RELN: variants seen among roughly 807,000 people sequenced by gnomAD.
RELN encodes the protein reelin.
Under a neutral mutation model 427.6 loss-of-function variants are expected in RELN, and 108 were observed. That is an observed-to-expected ratio of 0.25 (90% CI 0.22 to 0.30). RELN has a LOEUF of 0.30. Among genes scored for constraint, RELN ranks in the 10% least tolerant of loss-of-function variants. The pLI, the probability that RELN is intolerant of heterozygous loss-of-function variation, is 1.00. For missense variants in RELN, 3,715 were observed against 4,302.8 expected, an observed-to-expected ratio of 0.86 and a Z score of 3.82; for synonymous variants, 1,524 against 1,513.4, an observed-to-expected ratio of 1.01 and a Z score of -0.16.
chr7:103,482,456 T>C (rs1243852240), intron 63 of RELN, among the ~76,000 whole-genome samples: 1 of 152,224 alleles, frequency 6.6e-6, no homozygotes, highest in Non-Finnish European at 1.5e-5. Context: ...CATCATTCAA[T>C]GGAGAATGTC....
At position 103,612,476 on chromosome 7, in the gene RELN, T is replaced by C. The variant is rs562586456; in HGVS notation, c.2703-673A>G. On this transcript the variant is annotated intron_variant, in intron 20 of 64. Coordinates refer to ENST00000428762, the MANE Select transcript of RELN (RefSeq NM_005045.4). ...TTTTAGTAGAGACAGTGTTTCTCCA[T>C]GTTGGTCAGGGTGGTCTCGAACTCC... is the stretch of plus-strand genomic sequence containing the variant. Among the ~76,000 whole-genome samples, 17 of 152,220 alleles carry C rather than the reference T, an allele frequency of 1.1e-4. No homozygotes were observed. The South Asian group carries it at 3.5e-3, about 32-fold the overall frequency.
At chr7:103,926,977 C>A (rs1795759108) in intron 1 of RELN, among the ~76,000 whole-genome samples, 1 of 152,274 alleles carries the variant, frequency 6.6e-6, no homozygotes, top group South Asian at 2.1e-4. Context: ...CTACAGTATT[C>A]TCTTTTAGTA....
At chr7:103,579,244 G>T (rs537089500) in intron 28 of RELN, among the ~76,000 whole-genome samples, 2 of 152,320 alleles carry the variant, frequency 1.3e-5, no homozygotes, top group South Asian at 4.1e-4. Flanking sequence ...GGAAGGTATA[G>T]AAATAATTTA....
At chr7:103,491,072 T>A (rs1279057707) in intron 58 of RELN, among the ~76,000 whole-genome samples, 1 of 152,248 alleles carries the variant, frequency 6.6e-6, no homozygotes, top group East Asian at 1.9e-4. Context: ...CAATGAATTC[T>A]GGTGGATTCT....
intron 28 of RELN, among the ~76,000 whole-genome samples, chr7:103,585,270 T>C (rs1461550929): frequency 6.6e-6 from 1 of 152,056 alleles, no homozygotes; most frequent in Non-Finnish European, 1.5e-5. Flanking sequence ...AGATGATAAG[T>C]TGCCTCTTTG....
At chr7:103,619,436 T>A (rs776847056) in intron 20 of RELN, among the ~76,000 whole-genome samples, 2 of 152,216 alleles carry the variant, frequency 1.3e-5, no homozygotes, top group Non-Finnish European at 2.9e-5. Context: ...GCCCGGCCAC[T>A]TGCCTGTGTC....
intron 4 of RELN, among the ~76,000 whole-genome samples, chr7:103,773,845 C>T (rs554141654): frequency 6.6e-6 from 1 of 152,248 alleles, no homozygotes; most frequent in South Asian, 2.1e-4. Flanking sequence ...CACCTCCAGG[C>T]AAACTTAGCT....
At chr7:103,772,283 C>T (rs112843468) in intron 4 of RELN, among the ~76,000 whole-genome samples, 7,837 of 152,016 alleles carry the variant, frequency 0.052, 292 homozygotes, top group African/African-American at 0.11. Context: ...TGATGATGTT[C>T]TTATGACAAC....
intron 4 of RELN, among the ~76,000 whole-genome samples, chr7:103,759,109 A>C (rs1791232239): frequency 6.6e-6 from 1 of 152,144 alleles, no homozygotes; most frequent in Admixed American, 6.5e-5. Flanking sequence ...GTTTGAAAAA[A>C]ATAGATTGCT....
rs977362452 is a variant in RELN at position 103,735,277 on chromosome 7, GT to G, written c.657-7071del. Among the ~76,000 whole-genome samples, 4 of 151,656 alleles carry G rather than the reference GT, an allele frequency of 2.6e-5. No homozygotes were observed. In the South Asian group the frequency reaches 8.3e-4, roughly 32 times the overall value. On this transcript the variant is annotated intron_variant, in intron 6 of 64. Transcript: ENST00000428762. The stretch of plus-strand genomic sequence containing the variant: ...TTATTTATTTATTATTCAGGTGGCT[GT>G]TTTTTTTCATGGGACAAAGTATTAC...
chr7:103,853,631 C>T (rs1793875486), intron 2 of RELN, among the ~76,000 whole-genome samples: 2 of 151,546 alleles, frequency 1.3e-5, no homozygotes, highest in South Asian at 4.2e-4. Flanking sequence ...AAAAGAACAG[C>T]AAATAATTTT....
intron 46 of RELN, among the ~76,000 whole-genome samples, chr7:103,529,134 C>A (rs1695069155): frequency 6.8e-6 from 1 of 146,530 alleles, no homozygotes; most frequent in African/African-American, 2.5e-5. Context: ...GACTCCATCT[C>A]AAAAAAAAAA....
intron 20 of RELN, among the ~76,000 whole-genome samples, chr7:103,623,346 A>G (rs1229833923): frequency 2.6e-5 from 4 of 152,238 alleles, no homozygotes; most frequent in African/African-American, 7.2e-5. Flanking sequence ...GAATACTCTA[A>G]GCTTGCTAAT....
intron 2 of RELN, among the ~76,000 whole-genome samples, chr7:103,851,923 G>T (rs1793832012): frequency 6.6e-6 from 1 of 152,118 alleles, no homozygotes; most frequent in African/African-American, 2.4e-5. Context: ...TTATTCCTTT[G>T]TCTTGATGAT....
chr7:103,657,913 T>C (rs1833055543), intron 12 of RELN, among the ~76,000 whole-genome samples: 1 of 152,122 alleles, frequency 6.6e-6, no homozygotes, highest in South Asian at 2.1e-4. Context: ...ATTTTAAATA[T>C]TGTTTTAAGT....
chr7:103,510,700 G>T, intron 51 of RELN, 151 bp downstream of exon 51: 1 of 670,322 alleles, frequency 1.5e-6, no homozygotes, highest in Non-Finnish European at 2.7e-6. Context: ...ATTAAGCAAT[G>T]TATAGTTGAG....
intron 2 of RELN, among the ~76,000 whole-genome samples, chr7:103,877,850 C>T (rs2116550022): frequency 7.2e-6 from 1 of 139,338 alleles, no homozygotes; most frequent in East Asian, 2.3e-4. Flanking sequence ...TTCTCTGTCT[C>T]TCCCTGCCTT....
chr7:103,819,242 A>G (rs945147491), intron 3 of RELN, among the ~76,000 whole-genome samples: 1 of 152,128 alleles, frequency 6.6e-6, no homozygotes, highest in African/African-American at 2.4e-5. Context: ...AACTCTATTT[A>G]TGACATATAT....
chr7:103,848,153 C>T (rs964498475), intron 2 of RELN, among the ~76,000 whole-genome samples: 11 of 152,134 alleles, frequency 7.2e-5, no homozygotes, highest in Admixed American at 2.0e-4. Flanking sequence ...AGGGTTACCA[C>T]GCCTCTTGTT....
Sources: gnomAD v4.1 joint callset for allele counts (sites outside exome capture counted in the v4.1 genomes callset) on GRCh38, gnomAD v4.1.1 for gene constraint, MANE v1.5 for transcripts, NCBI Gene and HGNC (gene_info 2026-07-23, HGNC 2026-07-21) for gene names.